PWWP3A: variants seen among roughly 807,000 people sequenced by gnomAD.
PWWP3A encodes the protein PWWP domain-containing DNA repair factor 3A.
Under a neutral mutation model 79.0 loss-of-function variants are expected in PWWP3A, and 53 were observed. That is an observed-to-expected ratio of 0.67 (90% CI 0.54 to 0.84). The LOEUF is 0.84. PWWP3A is among the 40% of genes least tolerant of loss of function. The pLI, the probability that PWWP3A is intolerant of heterozygous loss-of-function variation, is 0.00. For synonymous variants in PWWP3A, 443 were observed against 394.4 expected (o/e 1.12, Z -1.46); for missense variants, 973 against 948.0 (o/e 1.03, Z -0.35).
At position 1,368,945 on chromosome 19, in the gene PWWP3A, C is replaced by T. The variant is rs889268716; in HGVS notation, c.1423-320C>T. 7.1e-6 allele frequency among the ~76,000 whole-genome samples: 1 copy of T among 141,836 alleles called. No individual in the cohort carries two copies. The highest frequency in any genetic ancestry group is 7.0e-5 in the Admixed American group (1 of 14,288). The allele number at this position is 141,836 out of a possible 152,430, so 93.0% of individuals were successfully genotyped here. A position where few individuals can be genotyped will look rare whatever the true frequency, so the allele number is the denominator to read the frequency against. ...AGCCCAAGCCATCGGGTCCCCGGTGCCCACCTGCGTTCAGATCAGCCCAAG... is the reference window on the plus strand; with the variant it reads ...AGCCCAAGCCATCGGGTCCCCGGTGTCCACCTGCGTTCAGATCAGCCCAAG... On this transcript the variant is annotated intron_variant, in intron 9 of 13. Transcript: ENST00000591337. This position sits in a 1 kb window ranked among gnomAD's most constrained non-coding sequence, Gnocchi z 4.7.
In PWWP3A at chr19:1,376,870, T is replaced by G; in HGVS notation, c.*294T>G. On this transcript the variant is annotated 3_prime_UTR_variant, in exon 14 of 14. Coordinates refer to ENST00000591337, the MANE Select transcript of PWWP3A (RefSeq NM_001369789.1). ...AAGCGTATTCACTGTGCGCCAGTACTCCTGGCTGTGCTGTGGTTTCTCCCG... is the reference window on the plus strand; with the variant it reads ...AAGCGTATTCACTGTGCGCCAGTACGCCTGGCTGTGCTGTGGTTTCTCCCG... 3.4e-6 allele frequency: 1 copy of G among 292,408 alleles called. No individual in the cohort carries two copies. Among genetic ancestry groups the G allele is most frequent in the Non-Finnish European group, 6.4e-6 (1 of 157,294 alleles). The allele number at this position is 292,408 out of a possible 1,614,324, so 18.1% of individuals were successfully genotyped here.
chr19:1,358,202 A>C (rs2081926601), intron 3 of PWWP3A, 192 bp from the exon 4 acceptor site: 6 of 499,432 alleles, frequency 1.2e-5, no homozygotes, highest in Non-Finnish European at 2.1e-5. Flanking sequence ...AAAAAAAAAA[A>C]AACCATTCAC....
At chr19:1,364,720 T>G in intron 7 of PWWP3A, 141 bp downstream of exon 7, 1 of 766,744 alleles carries the variant, frequency 1.3e-6, no homozygotes, top group Non-Finnish European at 2.1e-6. Flanking sequence ...GTTGGTGGGT[T>G]TTTAGAAAAG....
At chr19:1,370,105 G>A (rs1000298729) in intron 11 of PWWP3A, among the ~76,000 whole-genome samples, 2 of 152,182 alleles carry the variant, frequency 1.3e-5, no homozygotes, top group Admixed American at 6.5e-5. Flanking sequence ...TGTGGCTTGC[G>A]TGCCTGCAGC....
chr19:1,362,447 G>C (rs1009825577), intron 6 of PWWP3A, 96 bp downstream of exon 6: 15 of 891,494 alleles, frequency 1.7e-5, no homozygotes, highest in African/African-American at 1.5e-4. Context: ...CTCCATGAAA[G>C]GTCTCCTGCG....
Position 1,362,434 on chromosome 19 carries a change from A to G in PWWP3A, c.1213+83A>G, listed in dbSNP as rs183160258. 20 of 1,050,560 alleles carry G rather than the reference A, an allele frequency of 1.9e-5. No individual in the cohort carries two copies. In the East Asian group the frequency reaches 4.3e-4, roughly 22 times the overall value. The allele number at this position is 1,050,560 out of a possible 1,614,324, so 65.1% of individuals were successfully genotyped here. On this transcript the variant is annotated intron_variant, in intron 6 of 13. Coordinates refer to ENST00000591337, the MANE Select transcript of PWWP3A (RefSeq NM_001369789.1). ...GCGGGGCTCCGAGACCGGGCCCCAC[A>G]TTCTCCATGAAAGGTCTCCTGCGAG...
intron 8 of PWWP3A, 58 bp downstream of exon 8, chr19:1,366,439 C>CA: frequency 2.0e-6 from 3 of 1,492,686 alleles, no homozygotes; most frequent in South Asian, 2.3e-5. Context: ...CGGCCGCTCT[C>CA]AGAGTCAGAG....
At chr19:1,375,492 A>ATATAAATTTTATATATAATATATAAAATC (rs2082348700) in intron 13 of PWWP3A, among the ~76,000 whole-genome samples, 1 of 66,634 alleles carries the variant, frequency 1.5e-5, no homozygotes, top group South Asian at 4.9e-4. Flanking sequence ...TATATAAAAT[A>ATATAAATTTTATATATAATATATAAAATC]TATAAATTTT....
intron 13 of PWWP3A, chr19:1,374,471 C>G (rs1373542056): frequency 6.6e-6 from 1 of 152,252 alleles, no homozygotes; most frequent in African/African-American, 2.4e-5. Context: ...GTTTCCCAGG[C>G]CCTCTTGTTC....
intron 13 of PWWP3A, among the ~76,000 whole-genome samples, chr19:1,375,058 T>TA (rs36062259): frequency 1.9e-3 from 260 of 137,688 alleles, no homozygotes; most frequent in Middle Eastern, 7.5e-3. Context: ...ATCTCTACTT[T>TA]AAAAAAAAAA....
chr19:1,358,389 T>C lies in PWWP3A; in HGVS notation c.144-5T>C. ...TGGTGTGTAACGTCGATTTTGTCTCTGCAGAATTAAGGTGAAAAGCACTGA... is the reference window on the plus strand; with the variant it reads ...TGGTGTGTAACGTCGATTTTGTCTCCGCAGAATTAAGGTGAAAAGCACTGA... On this transcript the variant is annotated splice_polypyrimidine_tract_variant and splice_region_variant and intron_variant, in intron 3 of 13. Coordinates refer to ENST00000591337, the MANE Select transcript of PWWP3A (RefSeq NM_001369789.1). The C allele has an allele frequency of 6.2e-7, 1 of 1,613,350 alleles. No homozygotes were observed. The highest frequency in any genetic ancestry group is 1.1e-5 in the South Asian group (1 of 90,844).
intron 4 of PWWP3A, chr19:1,358,868 A>G (rs967690579): frequency 1.7e-5 from 7 of 423,168 alleles, no homozygotes; most frequent in Middle Eastern, 6.7e-4. Context: ...CCAAGGTTTG[A>G]GAAGCAGTTG....
In PWWP3A at chr19:1,370,759, G is replaced by A. The variant is rs1166568073; in HGVS notation, c.1667G>A (p.Cys556Tyr). Reference sequence around the variant, plus strand: ...TGCCCCCTGGGGCAGAGGCAGCCCTGCCGGAAAATGCTCCCCGACCGCTCG... The same window carrying A: ...TGCCCCCTGGGGCAGAGGCAGCCCTACCGGAAAATGCTCCCCGACCGCTCG... ...VGCPLGQRQP[C>Y]RKMLPDRSRA... Residue 556 changes from cysteine to tyrosine, a missense_variant, in exon 12 of 14, where the codon TGC becomes TAC. Transcript: ENST00000591337. 4 of 1,507,062 alleles carry A rather than the reference G, an allele frequency of 2.7e-6. No individual in the cohort carries two copies. The East Asian group carries it at 7.4e-5, about 28-fold the overall frequency. 93.4% of individuals were successfully genotyped at this position (1,507,062 alleles called of 1,614,324 possible).
rs766980804 is a variant in PWWP3A at position 1,360,583 on chromosome 19, C to G, written c.662C>G (p.Ser221Ter). 3 of 1,614,218 alleles carry G rather than the reference C, an allele frequency of 1.9e-6. No homozygotes were observed. In the South Asian group the frequency reaches 3.3e-5, roughly 18 times the overall value. Reference protein sequence around the residue: ...WTLASKRGGNSAQKASLCLNG... With the variant: ...WTLASKRGGN The stretch of plus-strand genomic sequence containing the variant: ...CTTGCAAGTAAGAGGGGAGGAAACT[C>G]AGCGCAGAAGGCTAGCTTGTGCCTG... Residue 221 changes from serine (S) to a stop codon, truncating the protein, a stop_gained, in exon 5 of 14, where the codon TCA (serine) becomes TGA (stop). Coordinates refer to ENST00000591337, the MANE Select transcript of PWWP3A (RefSeq NM_001369789.1). LOFTEE classifies it high-confidence loss of function. The surrounding 1 kb of genome is among the most constrained non-coding windows in gnomAD (Gnocchi z 4.4).
In PWWP3A at chr19:1,369,252, G is replaced by C. The variant is rs1470231758; in HGVS notation, c.1423-13G>C. ...GCCTCCCACTGACGCCTGCTGCCCG[G>C]ATCTCATTGTAGAATCAAGCCAGGG... On this transcript the variant is annotated splice_polypyrimidine_tract_variant and intron_variant, in intron 9 of 13. Transcript: ENST00000591337. This position sits in a 1 kb window ranked among gnomAD's most constrained non-coding sequence, Gnocchi z 4.0. The C allele has an allele frequency of 6.2e-7, 1 of 1,613,904 alleles. No homozygotes were observed. The highest frequency in any genetic ancestry group is 2.2e-5 in the East Asian group (1 of 44,882).
chr19:1,376,121 TC>T (rs1400085325), intron 13 of PWWP3A, among the ~76,000 whole-genome samples: 1 of 138,882 alleles, frequency 7.2e-6, no homozygotes, highest in Non-Finnish European at 1.5e-5. Context: ...TCTGTCATAC[TC>T]TTTTTTTTTT....
Position 1,376,722 on chromosome 19 carries a change from A to G in PWWP3A, c.*146A>G, listed in dbSNP as rs1012907407. On this transcript the variant is annotated 3_prime_UTR_variant, in exon 14 of 14. Transcript: ENST00000591337. ...CTCCTGCGTGGCAGTCCTGATTTCC[A>G]TGCTTCTGGAGAATCCATTTCGTTA... 5.2e-5 allele frequency: 33 copies of G among 633,726 alleles called. No homozygotes were observed. Among genetic ancestry groups the G allele is most frequent in the African/African-American group, 3.9e-4 (21 of 53,166 alleles). The allele number at this position is 633,726 out of a possible 1,614,324, so 39.3% of individuals were successfully genotyped here.
Position 1,360,913 on chromosome 19 carries a change from C to T in PWWP3A, c.992C>T (p.Pro331Leu). The change falls in exon 5 of 14, where the codon CCA becomes CTA. Residue 331 changes from proline (P) to leucine (L), a missense_variant. Pro to Leu is a moderately conservative substitution (Grantham distance 98). Coordinates refer to ENST00000591337, the MANE Select transcript of PWWP3A (RefSeq NM_001369789.1). The surrounding 1 kb of genome is among the most constrained non-coding windows in gnomAD (Gnocchi z 4.4). ...GCCGCACCATCCCCCGGGCCGGGGC[C>T]AGGGCCCAGAGAGTCTGTGACCCCG... is the stretch of plus-strand genomic sequence containing the variant. ...AGAAPSPGPG[P>L]GPRESVTPRS... 2 of 1,539,748 alleles carry T rather than the reference C, an allele frequency of 1.3e-6. No individual in the cohort carries two copies. The highest frequency in any genetic ancestry group is 1.8e-6 in the Non-Finnish European group (2 of 1,142,128).
At chr19:1,371,496 G>A (rs553165098) in intron 12 of PWWP3A, 39 of 669,066 alleles carry the variant, frequency 5.8e-5, no homozygotes, top group East Asian at 3.5e-4. Context: ...TGGATAATGC[G>A]CCTCATACTC....
Sources: allele counts gnomAD v4.1 joint callset (sites outside exome capture counted in the v4.1 genomes callset), GRCh38; gene constraint gnomAD v4.1.1; non-coding constraint Gnocchi (gnomAD v3.1); transcripts MANE v1.5; gene names NCBI Gene and HGNC (gene_info 2026-07-23, HGNC 2026-07-21).